CLECL1: variants seen among roughly 807,000 people sequenced by gnomAD.
CLECL1 encodes C-type lectin like 1.
At chr12:9,719,981 C>A (rs1866289325), downstream of CLECL1, among the ~76,000 whole-genome samples, 1 of 152,156 alleles carries the variant, frequency 6.6e-6, no homozygotes, top group South Asian at 2.1e-4. Flanking sequence ...CTCTTTTACT[C>A]CTTTTCTGAA....
At chr12:9,716,863 T>A in intron 2 of CLECL1, 1 of 681,474 alleles carries the variant, frequency 1.5e-6, no homozygotes, top group Non-Finnish European at 2.2e-6. Flanking sequence ...TATGGGACCA[T>A]CCTAGAATCA....
intron 3 of CLECL1, among the ~76,000 whole-genome samples, chr12:9,725,077 A>G (rs1866362350): frequency 6.6e-6 from 1 of 152,168 alleles, no homozygotes; most frequent in South Asian, 2.1e-4. Context: ...ATCCAGTGAA[A>G]AATCTTCCAA....
At chr12:9,711,229 G>C (rs188176411), downstream of CLECL1, among the ~76,000 whole-genome samples, 49 of 152,292 alleles carry the variant, frequency 3.2e-4, no homozygotes, top group Admixed American at 2.7e-3. Context: ...CTCACACCCT[G>C]CAAGGGGATA....
At chr12:9,720,796 C>T (rs745556957), downstream of CLECL1, among the ~76,000 whole-genome samples, 3 of 152,162 alleles carry the variant, frequency 2.0e-5, no homozygotes, top group Non-Finnish European at 4.4e-5. Flanking sequence ...TTTCTGCAGA[C>T]CCCAGGAGCT....
chr12:9,721,298 TA>T (rs1866309711), downstream of CLECL1, among the ~76,000 whole-genome samples: 1 of 152,202 alleles, frequency 6.6e-6, no homozygotes, highest in Non-Finnish European at 1.5e-5. Flanking sequence ...TTTATTGGAG[TA>T]AATGTTCTTC....
rs56751889 is a variant in CLECL1, at chr12:9,716,614, C to A, written n.315G>T. 2.1e-5 allele frequency: 6 copies of A among 289,540 alleles called. No homozygotes were observed. In the South Asian group the frequency reaches 2.5e-4, roughly 12 times the overall value. 17.9% of individuals were successfully genotyped at this position (289,540 alleles called of 1,614,324 possible). A position where few individuals can be genotyped will look rare whatever the true frequency, so the allele number is the denominator to read the frequency against. On this transcript the variant is annotated non_coding_transcript_exon_variant, in exon 3 of 3. Coordinates refer to the CLECL1 transcript ENST00000540988. The stretch of plus-strand genomic sequence containing the variant: ...TGGCTGCCACGAACTTGTCCCATTC[C>A]TCTTGCTCAAGCTGGGATATCAAAC...
At chr12:9,711,225 C>A (rs1389994143), downstream of CLECL1, among the ~76,000 whole-genome samples, 2 of 152,154 alleles carry the variant, frequency 1.3e-5, no homozygotes, top group Non-Finnish European at 2.9e-5. Context: ...CCATCTCACA[C>A]CCTGCAAGGG....
chr12:9,712,455 T>A (rs1049753083), downstream of CLECL1, among the ~76,000 whole-genome samples: 2 of 152,264 alleles, frequency 1.3e-5, no homozygotes, highest in African/African-American at 4.8e-5. Flanking sequence ...ACCATAATAC[T>A]GTTCTGCTTT....
At chr12:9,727,353 C>G (rs1204028020) in intron 3 of CLECL1, among the ~76,000 whole-genome samples, 3 of 151,742 alleles carry the variant, frequency 2.0e-5, no homozygotes, top group Non-Finnish European at 4.4e-5. Context: ...ATTTAAAACT[C>G]ATTGTATAAG....
chr12:9,709,942 G>A, the CLECL1 span, among the ~76,000 whole-genome samples: 8 of 152,128 alleles, frequency 5.3e-5, no homozygotes, highest in East Asian at 1.9e-4. Flanking sequence ...GAGGAAATAC[G>A]CAAAAGAGCA....
At chr12:9,728,817 G>C (rs758076611) in intron 2 of CLECL1, among the ~76,000 whole-genome samples, 1 of 151,996 alleles carries the variant, frequency 6.6e-6, no homozygotes, top group African/African-American at 2.4e-5. Flanking sequence ...ATCTAAACTA[G>C]ACTTTGCTGA....
chr12:9,714,684 G>A (rs1169376269), downstream of CLECL1, among the ~76,000 whole-genome samples: 2 of 152,148 alleles, frequency 1.3e-5, no homozygotes, highest in African/African-American at 2.4e-5. Flanking sequence ...CTTAAAAATT[G>A]TCAGGGTGGT....
intron 1 of CLECL1, 21 bp downstream of exon 1, chr12:9,732,928 G>A: frequency 6.4e-7 from 1 of 1,551,846 alleles, no homozygotes; most frequent in East Asian, 2.3e-5. Context: ...AATTCTCAAA[G>A]GCACCCTAAA....
At chr12:9,706,969 T>A in the CLECL1 span, among the ~76,000 whole-genome samples, 1 of 152,192 alleles carries the variant, frequency 6.6e-6, no homozygotes, top group Non-Finnish European at 1.5e-5. Flanking sequence ...CAGCTGTGAA[T>A]CCATCTGGTC....
intron 1 of CLECL1, among the ~76,000 whole-genome samples, chr12:9,731,297 A>C (rs1866444410): frequency 6.6e-6 from 1 of 152,228 alleles, no homozygotes; most frequent in African/African-American, 2.4e-5. Context: ...AAATTATTTT[A>C]CTTATCAAGC....
At chr12:9,729,353 A>G (rs1050350849) in intron 2 of CLECL1, among the ~76,000 whole-genome samples, 1 of 152,152 alleles carries the variant, frequency 6.6e-6, no homozygotes, top group Admixed American at 6.5e-5. Context: ...TGATCATAAA[A>G]TAAGCAACTA....
chr12:9,703,637 T>C, the CLECL1 span, among the ~76,000 whole-genome samples: 1 of 152,138 alleles, frequency 6.6e-6, no homozygotes, highest in Non-Finnish European at 1.5e-5. Flanking sequence ...TCAAACAATC[T>C]ACCTGCCTTG....
intron 1 of CLECL1, 49 bp downstream of exon 1, chr12:9,732,900 G>T: frequency 7.0e-7 from 1 of 1,425,284 alleles, no homozygotes; most frequent in Non-Finnish European, 9.5e-7. Context: ...AAATAAAGGA[G>T]ATAACTAGTA....
exon 1 of CLECL1, chr12:9,732,949 C>T: frequency 6.3e-7 from 1 of 1,593,924 alleles, no homozygotes; most frequent in South Asian, 1.1e-5. Context: ...TCCAGCTTAC[C>T]AGATCTCTGA....
Sources: gnomAD v4.1 joint callset for allele counts (sites outside exome capture counted in the v4.1 genomes callset) on GRCh38, gnomAD v4.1.1 for gene constraint, MANE v1.5 for transcripts, NCBI Gene and HGNC (gene_info 2026-07-23, HGNC 2026-07-21) for gene names.